ARIH1: variants seen among roughly 807,000 people sequenced by gnomAD.
The protein encoded by ARIH1 is ariadne RBR E3 ubiquitin protein ligase 1, also known as E3 ubiquitin-protein ligase ARIH1.
ARIH1 carries 8 observed loss-of-function variants against 85.0 expected under a neutral mutation model. The observed-to-expected ratio is 0.09, with a 90% CI of 0.06 to 0.17. The LOEUF is 0.17. Among genes scored for constraint, ARIH1 ranks in the 10% least tolerant of loss-of-function variants. ARIH1 has a pLI of 1.00. For missense variants in ARIH1, 311 were observed against 718.1 expected (o/e 0.43, Z 6.48); for synonymous variants, 238 against 253.6 (o/e 0.94, Z 0.59).
At position 72,474,585 on chromosome 15, in the gene ARIH1, TC is replaced by T; in HGVS notation, c.-51del. 1 of 1,481,164 alleles carries T rather than the reference TC, an allele frequency of 6.8e-7. No individual in the cohort carries two copies. Among genetic ancestry groups the T allele is most frequent in the Non-Finnish European group, 8.9e-7 (1 of 1,118,410 alleles). 91.8% of individuals were successfully genotyped at this position (1,481,164 alleles called of 1,614,324 possible). A position where few individuals can be genotyped will look rare whatever the true frequency, so the allele number is the denominator to read the frequency against. ...CGGAGCGAGAGCCGGGGCCTCGGCG[TC>T]CCCGCCCTCTCCCCGCCTCGGCCAG... On this transcript the variant is annotated 5_prime_UTR_variant, in exon 1 of 14. Transcript: ENST00000379887.
At chr15:72,495,509 T>C (rs1453429725) in intron 1 of ARIH1, among the ~76,000 whole-genome samples, 1 of 152,228 alleles carries the variant, frequency 6.6e-6, no homozygotes, top group Non-Finnish European at 1.5e-5. Context: ...TCTTGATGGG[T>C]TAAAATAATA....
At chr15:72,482,381 A>C (rs1011212614) in intron 1 of ARIH1, among the ~76,000 whole-genome samples, 9 of 152,090 alleles carry the variant, frequency 5.9e-5, no homozygotes, top group Non-Finnish European at 1.2e-4. Flanking sequence ...AGTAATTTAA[A>C]TAAGTGGATA....
rs1472759979 is a variant in ARIH1, at chr15:72,584,239, A to G, written c.*947A>G. On this transcript the variant is annotated 3_prime_UTR_variant, in exon 14 of 14. Coordinates refer to ENST00000379887, the MANE Select transcript of ARIH1 (RefSeq NM_005744.5). ...GGGAGGTCAAGCTCTGACTAATGCCATGACCTGATTAAGGGGTACAGCAGG... is the reference window on the plus strand; with the variant it reads ...GGGAGGTCAAGCTCTGACTAATGCCGTGACCTGATTAAGGGGTACAGCAGG... 1.3e-5 allele frequency: 2 copies of G among 152,172 alleles called. No individual in the cohort carries two copies. Among genetic ancestry groups the G allele is most frequent in the African/African-American group, 4.8e-5 (2 of 41,434 alleles). 9.4% of individuals were successfully genotyped at this position (152,172 alleles called of 1,614,324 possible). A position where few individuals can be genotyped will look rare whatever the true frequency, so the allele number is the denominator to read the frequency against.
At chr15:72,564,595 T>A (rs2064211250) in intron 7 of ARIH1, among the ~76,000 whole-genome samples, 2 of 152,214 alleles carry the variant, frequency 1.3e-5, no homozygotes, top group Admixed American at 1.3e-4. Flanking sequence ...CATTTTTGGT[T>A]TTGTTAGAAC....
intron 2 of ARIH1, among the ~76,000 whole-genome samples, chr15:72,535,310 C>T (rs1261428054): frequency 6.6e-6 from 1 of 152,122 alleles, no homozygotes; most frequent in Non-Finnish European, 1.5e-5. Flanking sequence ...AGTTAGTTTT[C>T]TGTACTTCTC....
rs2064385060 is a variant in ARIH1, at chr15:72,602,421, A to G, written c.*19129A>G. 6.6e-6 allele frequency: 1 copy of G among 152,222 alleles called. No individual in the cohort carries two copies. The highest frequency in any genetic ancestry group is 1.5e-5 in the Non-Finnish European group (1 of 68,026). The allele number at this position is 152,222 out of a possible 1,614,324, so 9.4% of individuals were successfully genotyped here. A position where few individuals can be genotyped will look rare whatever the true frequency, so the allele number is the denominator to read the frequency against. ...TTATATTTTCATATGTTAAAGAGCC[A>G]TTTGTATTTCTTGGTGAATTGTTCA... is the stretch of plus-strand genomic sequence containing the variant. On this transcript the variant is annotated 3_prime_UTR_variant, in exon 14 of 14. Coordinates refer to ENST00000379887, the MANE Select transcript of ARIH1 (RefSeq NM_005744.5).
At chr15:72,510,463 A>T (rs186709935) in intron 1 of ARIH1, among the ~76,000 whole-genome samples, 11 of 152,098 alleles carry the variant, frequency 7.2e-5, no homozygotes, top group African/African-American at 2.7e-4. Context: ...CATTTTAAAA[A>T]TATGTACATC....
At chr15:72,499,885 C>T (rs2063895480) in intron 1 of ARIH1, among the ~76,000 whole-genome samples, 1 of 152,094 alleles carries the variant, frequency 6.6e-6, no homozygotes, top group African/African-American at 2.4e-5. Flanking sequence ...TGCTGGACTG[C>T]ATCCTTAATT....
At chr15:72,579,659 T>A (rs2064287585) in intron 11 of ARIH1, among the ~76,000 whole-genome samples, 1 of 152,122 alleles carries the variant, frequency 6.6e-6, no homozygotes, top group South Asian at 2.1e-4. Flanking sequence ...TTTTAAGTAG[T>A]CAGGTGTGGC....
At chr15:72,519,329 CTATT>C (rs2063988435) in intron 2 of ARIH1, among the ~76,000 whole-genome samples, 2 of 151,624 alleles carry the variant, frequency 1.3e-5, no homozygotes, top group Non-Finnish European at 2.9e-5. Context: ...TAAATAATAT[CTATT>C]GTTACTATTA....
At chr15:72,489,318 GA>G (rs2063849581) in intron 1 of ARIH1, among the ~76,000 whole-genome samples, 1 of 145,220 alleles carries the variant, frequency 6.9e-6, no homozygotes, top group Non-Finnish European at 1.5e-5. Context: ...TGGTCCATAA[GA>G]ACAAAACTAT....
At chr15:72,513,097 T>A (rs897335872) in intron 1 of ARIH1, among the ~76,000 whole-genome samples, 2 of 152,004 alleles carry the variant, frequency 1.3e-5, no homozygotes, top group African/African-American at 4.8e-5. Context: ...TTGCCCTTTT[T>A]AAAAAAAAGA....
chr15:72,527,310 G>T lies in ARIH1; in HGVS notation c.443+9176G>T, dbSNP rs188917485. On this transcript the variant is annotated intron_variant, in intron 2 of 13. Coordinates refer to ENST00000379887, the MANE Select transcript of ARIH1 (RefSeq NM_005744.5). ...TCACTGCTGATAACATCAATATTGG[G>T]CATATGACACCACAACTAATACCTC... 9.5e-4 allele frequency among the ~76,000 whole-genome samples: 144 copies of T among 152,228 alleles called. 1 individual carries two copies. The highest frequency in any genetic ancestry group is 8.5e-3 in the South Asian group (41 of 4,824).
intron 11 of ARIH1, among the ~76,000 whole-genome samples, chr15:72,577,075 C>T (rs963743303): frequency 3.3e-5 from 5 of 151,892 alleles, no homozygotes; most frequent in Non-Finnish European, 7.4e-5. Context: ...CTCCACCTCC[C>T]GAATTCAAGC....
At chr15:72,534,983 C>T (rs1214595774) in intron 2 of ARIH1, among the ~76,000 whole-genome samples, 1 of 24,942 alleles carries the variant, frequency 4.0e-5, no homozygotes, top group Admixed American at 1.2e-3. Flanking sequence ...GACGGAGTCT[C>T]GCTGTCGCCC....
At chr15:72,506,900 CTT>C (rs879655618) in intron 1 of ARIH1, among the ~76,000 whole-genome samples, 5 of 151,286 alleles carry the variant, frequency 3.3e-5, no homozygotes, top group Non-Finnish European at 7.4e-5. Context: ...AAAGTTGTCT[CTT>C]GAGATTTTTG....
At chr15:72,515,863 A>G (rs902286712) in intron 1 of ARIH1, among the ~76,000 whole-genome samples, 2 of 152,090 alleles carry the variant, frequency 1.3e-5, no homozygotes, top group Non-Finnish European at 2.9e-5. Context: ...TCTCTTAATC[A>G]TCAGTGATTT....
intron 1 of ARIH1, among the ~76,000 whole-genome samples, chr15:72,509,293 A>G (rs145254465): frequency 0.022 from 3,285 of 152,204 alleles, 62 homozygotes; most frequent in Middle Eastern, 0.054. Context: ...CCTGGCCCAC[A>G]TTGTTCTTTT....
At position 72,474,628 on chromosome 15, in the gene ARIH1, G is replaced by C. The variant is rs1403436436; in HGVS notation, c.-12G>C. ...CTCGGCCAGCGTCCGCCGGGCCCCC[G>C]CGCGTCGCGCCATGGACTCGGACGA... On this transcript the variant is annotated 5_prime_UTR_variant, in exon 1 of 14. Transcript: ENST00000379887. 2.0e-6 allele frequency: 3 copies of C among 1,488,544 alleles called. No homozygotes were observed. Among genetic ancestry groups the C allele is most frequent in the African/African-American group, 1.5e-5 (1 of 68,174 alleles). The allele number at this position is 1,488,544 out of a possible 1,614,324, so 92.2% of individuals were successfully genotyped here.
Sources: allele counts gnomAD v4.1 joint callset (sites outside exome capture counted in the v4.1 genomes callset), GRCh38; gene constraint gnomAD v4.1.1; transcripts MANE v1.5; gene names NCBI Gene and HGNC (gene_info 2026-07-23, HGNC 2026-07-21).